Variants in COL8A1 observed in about 807,000 individuals in gnomAD.
The protein encoded by COL8A1 is collagen alpha-1(VIII) chain.
Under a neutral mutation model 42.7 loss-of-function variants are expected in COL8A1, and 21 were observed. The observed-to-expected ratio is 0.49, with a 90% confidence interval of 0.35 to 0.71. The LOEUF is 0.71. Among genes scored for constraint, COL8A1 ranks in the 30% least tolerant of loss-of-function variants. COL8A1 has a pLI of 0.01. For synonymous variants in COL8A1, 367 were observed against 369.1 expected (o/e 0.99, Z 0.06); for missense variants, 788 against 962.4 (o/e 0.82, Z 2.40).
At chr3:99,645,728 C>T (rs1226686100) in intron 1 of COL8A1, among the ~76,000 whole-genome samples, 1 of 151,648 alleles carries the variant, frequency 6.6e-6, no homozygotes, top group Non-Finnish European at 1.5e-5. Flanking sequence ...ATTTAAGCCT[C>T]TAAGAATAAA....
At chr3:99,655,485 G>A (rs1937989703) in intron 1 of COL8A1, among the ~76,000 whole-genome samples, 1 of 152,194 alleles carries the variant, frequency 6.6e-6, no homozygotes, top group South Asian at 2.1e-4. Context: ...ATACTGTGAG[G>A]TCCTGAGGCC....
chr3:99,759,654 A>G (rs1196048382), intron 2 of COL8A1, among the ~76,000 whole-genome samples: 1 of 152,196 alleles, frequency 6.6e-6, no homozygotes, highest in Non-Finnish European at 1.5e-5. Flanking sequence ...TAGACACACA[A>G]TGACTCTGCT....
chr3:99,709,282 G>T (rs573523091), intron 1 of COL8A1, among the ~76,000 whole-genome samples: 1 of 152,212 alleles, frequency 6.6e-6, no homozygotes, highest in South Asian at 2.1e-4. Context: ...AAACTCCCAT[G>T]AAATTCATAT....
At chr3:99,676,266 C>A (rs888007438) in intron 1 of COL8A1, among the ~76,000 whole-genome samples, 1 of 152,088 alleles carries the variant, frequency 6.6e-6, no homozygotes. Flanking sequence ...CAATTTCACA[C>A]AACATTCCCA....
chr3:99,704,283 C>T (rs1175781585), intron 1 of COL8A1, among the ~76,000 whole-genome samples: 1 of 152,018 alleles, frequency 6.6e-6, no homozygotes, highest in Non-Finnish European at 1.5e-5. Flanking sequence ...ACAAATTCAG[C>T]TCAAAGAGAA....
At chr3:99,787,544 A>C (rs1349829947) in intron 2 of COL8A1, among the ~76,000 whole-genome samples, 4 of 152,202 alleles carry the variant, frequency 2.6e-5, no homozygotes, top group Non-Finnish European at 5.9e-5. Context: ...CATTAATAAT[A>C]ACTTAAATCT....
intron 2 of COL8A1, among the ~76,000 whole-genome samples, chr3:99,776,096 C>T (rs577659938): frequency 2.0e-5 from 3 of 152,168 alleles, no homozygotes; most frequent in African/African-American, 7.2e-5. Flanking sequence ...AAGAAGTTGG[C>T]CCCTGAACCA....
At chr3:99,752,078 C>T (rs183334385) in intron 2 of COL8A1, among the ~76,000 whole-genome samples, 1 of 152,020 alleles carries the variant, frequency 6.6e-6, no homozygotes, top group African/African-American at 2.4e-5. Context: ...AGAATATACT[C>T]CTCATCCCCT....
chr3:99,761,961 A>G (rs1227866187), intron 2 of COL8A1, among the ~76,000 whole-genome samples: 2 of 152,164 alleles, frequency 1.3e-5, no homozygotes, highest in East Asian at 3.8e-4. Context: ...AATTTTAGAC[A>G]CCACAGCTTT....
chr3:99,698,753 G>T (rs1026900066), intron 1 of COL8A1, among the ~76,000 whole-genome samples: 8 of 152,208 alleles, frequency 5.3e-5, no homozygotes, highest in Non-Finnish European at 8.8e-5. Context: ...TCTTATTTAT[G>T]ACATGTCTTT....
chr3:99,725,682 G>A (rs941750311), intron 1 of COL8A1, among the ~76,000 whole-genome samples: 2 of 148,266 alleles, frequency 1.3e-5, no homozygotes, highest in African/African-American at 5.0e-5. Context: ...TTCTTTCCTT[G>A]CAATAGTTTG....
At chr3:99,724,855 T>A (rs1940258306) in intron 1 of COL8A1, among the ~76,000 whole-genome samples, 1 of 152,084 alleles carries the variant, frequency 6.6e-6, no homozygotes. Context: ...ACTCACTGTG[T>A]ATTGGGGAAA....
intron 1 of COL8A1, among the ~76,000 whole-genome samples, chr3:99,732,750 T>A (rs1010106363): frequency 6.6e-6 from 1 of 152,008 alleles, no homozygotes; most frequent in Non-Finnish European, 1.5e-5. Context: ...TCTCCCAAAG[T>A]CTTAACTCAT....
At chr3:99,787,147 A>C (rs1250878614) in intron 2 of COL8A1, among the ~76,000 whole-genome samples, 1 of 152,246 alleles carries the variant, frequency 6.6e-6, no homozygotes, top group Non-Finnish European at 1.5e-5. Context: ...GCCAATGAGG[A>C]TAAACGTACA....
At position 99,640,391 on chromosome 3, in the gene COL8A1, G is replaced by A. The variant is rs192410026; in HGVS notation, c.-129+1727G>A. On this transcript the variant is annotated intron_variant, in intron 1 of 3. Coordinates refer to ENST00000652472, the MANE Select transcript of COL8A1 (RefSeq NM_020351.4). ...CATTCAAGTTAATTCTTCTTTTATGGTAGTGCCTGACTCACACCCATTATC... is the reference window on the plus strand; with the variant it reads ...CATTCAAGTTAATTCTTCTTTTATGATAGTGCCTGACTCACACCCATTATC... Among the ~76,000 whole-genome samples, 42 of 152,232 alleles carry A rather than the reference G, an allele frequency of 2.8e-4. 1 individual carries two copies. Among genetic ancestry groups the A allele is most frequent in the African/African-American group, 9.6e-4 (40 of 41,534 alleles).
chr3:99,668,504 G>A (rs998783969), intron 1 of COL8A1, among the ~76,000 whole-genome samples: 6 of 151,878 alleles, frequency 4.0e-5, no homozygotes, highest in Admixed American at 6.6e-5. Context: ...GAAACATATC[G>A]AAGATCAAGT....
rs146278932 is a variant in COL8A1 at position 99,641,093 on chromosome 3, A to G, written c.-129+2429A>G. Among the ~76,000 whole-genome samples, 494 of 152,298 alleles carry G rather than the reference A, an allele frequency of 3.2e-3. 3 individuals carry two copies. The highest frequency in any genetic ancestry group is 0.012 in the African/African-American group (478 of 41,556). On this transcript the variant is annotated intron_variant, in intron 1 of 3. Coordinates refer to ENST00000652472, the MANE Select transcript of COL8A1 (RefSeq NM_020351.4). ...AAAATTATAAAATGATATCCTTTTC[A>G]TGATCAGAAAACATATGCCACTTTA... is the stretch of plus-strand genomic sequence containing the variant.
intron 1 of COL8A1, among the ~76,000 whole-genome samples, chr3:99,737,226 A>G (rs1384910459): frequency 1.3e-5 from 2 of 151,898 alleles, no homozygotes; most frequent in Admixed American, 1.3e-4. Context: ...CATTTAGTCC[A>G]TTTACATTTA....
chr3:99,752,220 G>GGACATGTTC (rs1462365610), intron 2 of COL8A1, among the ~76,000 whole-genome samples: 7 of 151,990 alleles, frequency 4.6e-5, no homozygotes. Context: ...AGCACAGTGT[G>GGACATGTTC]GACATGTTCA....
Sources: gnomAD v4.1 joint callset for allele counts (sites outside exome capture counted in the v4.1 genomes callset) on GRCh38, gnomAD v4.1.1 for gene constraint, MANE v1.5 for transcripts, NCBI Gene and HGNC (gene_info 2026-07-23, HGNC 2026-07-21) for gene names.